DYM: variants seen among roughly 807,000 people sequenced by gnomAD.
DYM encodes the protein dymeclin, also known as dyggve-Melchior-Clausen syndrome protein.
DYM carries 78 observed loss-of-function variants against 93.1 expected under a neutral mutation model. The ratio of observed to expected loss-of-function variants is 0.84; its 90% CI spans 0.70 to 1.01. The LOEUF (loss-of-function observed/expected upper bound fraction) is 1.01, where lower values mean the gene tolerates loss of function less well. DYM is among the 50% of genes least tolerant of loss of function. The pLI is 0.00. For missense variants in DYM, 789 were observed against 845.0 expected, an observed-to-expected ratio of 0.93 and a Z score of 0.82; for synonymous variants, 321 against 319.7, an observed-to-expected ratio of 1.00 and a Z score of -0.04.
In DYM at chr18:49,109,677, G is replaced by A. The variant is rs553062442; in HGVS notation, c.1911+9067C>T. Among the ~76,000 whole-genome samples the A allele has an allele frequency of 3.9e-5, 6 of 152,336 alleles. No individual in the cohort carries two copies. In the South Asian group the frequency reaches 1.2e-3, roughly 32 times the overall value. On this transcript the variant is annotated intron_variant, in intron 16 of 17. Transcript: ENST00000675505. Reference sequence around the variant, plus strand: ...CAAGCCCCAGTTTGCTTAGGGTTATGTGACAAGGGTCAGACAACACCTGCA... The same window carrying A: ...CAAGCCCCAGTTTGCTTAGGGTTATATGACAAGGGTCAGACAACACCTGCA...
At chr18:49,047,946 C>A (rs1275418728) in intron 17 of DYM, among the ~76,000 whole-genome samples, 1 of 152,176 alleles carries the variant, frequency 6.6e-6, no homozygotes, top group African/African-American at 2.4e-5. Flanking sequence ...CCAGTGCCAA[C>A]CCCATGAAGA....
At chr18:49,330,360 C>G (rs1438448374) in intron 8 of DYM, among the ~76,000 whole-genome samples, 1 of 152,074 alleles carries the variant, frequency 6.6e-6, no homozygotes, top group African/African-American at 2.4e-5. Context: ...CTCAACCCAC[C>G]TTCTAATTAG....
At chr18:49,185,899 A>G (rs1235388063) in intron 14 of DYM, among the ~76,000 whole-genome samples, 1 of 152,150 alleles carries the variant, frequency 6.6e-6, no homozygotes, top group Non-Finnish European at 1.5e-5. Context: ...ACATTTGTCT[A>G]TCAACCTCAG....
intron 2 of DYM, 89 bp downstream of exon 2, chr18:49,430,166 G>A (rs1267913871): frequency 3.2e-6 from 4 of 1,236,344 alleles, no homozygotes; most frequent in African/African-American, 3.0e-5. Flanking sequence ...TAGATAGACA[G>A]AACATTTCTA....
At chr18:49,232,973 G>C (rs1284086716) in intron 13 of DYM, among the ~76,000 whole-genome samples, 1 of 152,114 alleles carries the variant, frequency 6.6e-6, no homozygotes, top group Non-Finnish European at 1.5e-5. Context: ...AAGGTATTTA[G>C]ATGTTGTAAG....
At chr18:49,338,282 A>G (rs1481548491) in intron 6 of DYM, among the ~76,000 whole-genome samples, 2 of 152,196 alleles carry the variant, frequency 1.3e-5, no homozygotes, top group African/African-American at 2.4e-5. Flanking sequence ...ATGAAGAAAA[A>G]CATTTAAAAA....
At chr18:49,327,361 G>C (rs1232173569) in intron 8 of DYM, among the ~76,000 whole-genome samples, 1 of 151,788 alleles carries the variant, frequency 6.6e-6, no homozygotes, top group African/African-American at 2.4e-5. Flanking sequence ...GTTTTGTTTT[G>C]TTTTTGTTTT....
intron 13 of DYM, among the ~76,000 whole-genome samples, chr18:49,215,507 A>G (rs542461542): frequency 6.6e-6 from 1 of 152,354 alleles, no homozygotes; most frequent in African/African-American, 2.4e-5. Flanking sequence ...ATCCAGATCC[A>G]GGATAAACCA....
At chr18:49,145,862 T>G (rs2085069768) in intron 15 of DYM, among the ~76,000 whole-genome samples, 1 of 152,206 alleles carries the variant, frequency 6.6e-6, no homozygotes, top group African/African-American at 2.4e-5. Context: ...ATATGTGGTC[T>G]ATTTTACTTG....
chr18:49,151,980 GA>G (rs767272977), intron 15 of DYM, among the ~76,000 whole-genome samples: 18 of 152,158 alleles, frequency 1.2e-4, no homozygotes, highest in Admixed American at 3.3e-4. Flanking sequence ...AGAATGGAAA[GA>G]GGGGGAAAGA....
At chr18:49,265,075 C>G (rs563994144) in intron 11 of DYM, among the ~76,000 whole-genome samples, 1 of 152,244 alleles carries the variant, frequency 6.6e-6, no homozygotes, top group East Asian at 1.9e-4. Context: ...TGGGAGTGGA[C>G]AAAGTATATA....
At chr18:49,442,897 A>C (rs1244236735) in intron 1 of DYM, among the ~76,000 whole-genome samples, 1 of 149,100 alleles carries the variant, frequency 6.7e-6, no homozygotes, top group East Asian at 2.0e-4. Flanking sequence ...TTGCTCTGTC[A>C]CCCAGGGTGG....
At chr18:49,085,778 T>C (rs2078465895) in intron 17 of DYM, among the ~76,000 whole-genome samples, 1 of 151,990 alleles carries the variant, frequency 6.6e-6, no homozygotes, top group Admixed American at 6.6e-5. Context: ...TGGCTAATTT[T>C]TGTATTTTTA....
intron 10 of DYM, among the ~76,000 whole-genome samples, chr18:49,275,795 G>C (rs1192312157): frequency 6.6e-6 from 1 of 152,094 alleles, no homozygotes; most frequent in Non-Finnish European, 1.5e-5. Context: ...CACAGTGTAA[G>C]TTTTGTACTT....
intron 16 of DYM, among the ~76,000 whole-genome samples, chr18:49,112,777 C>T (rs1057032137): frequency 6.6e-6 from 1 of 152,294 alleles, no homozygotes; most frequent in Admixed American, 6.5e-5. Flanking sequence ...ATCTGCCCCT[C>T]ATTATCACAG....
chr18:49,376,046 T>G (rs1271584075), intron 5 of DYM, among the ~76,000 whole-genome samples: 1 of 152,154 alleles, frequency 6.6e-6, no homozygotes, highest in Non-Finnish European at 1.5e-5. Context: ...TTTGAGGTTT[T>G]GGGACTCAAA....
At chr18:49,074,774 A>G (rs2077169038) in intron 17 of DYM, among the ~76,000 whole-genome samples, 1 of 152,214 alleles carries the variant, frequency 6.6e-6, no homozygotes. Context: ...CGTTACTTGT[A>G]AATATTCCGC....
chr18:49,289,746 T>C (rs934157512), intron 8 of DYM, among the ~76,000 whole-genome samples: 4 of 42,854 alleles, frequency 9.3e-5, no homozygotes, highest in African/African-American at 4.6e-4. Context: ...TATATATATA[T>C]ATATATATAT....
chr18:49,437,876 T>C (rs2080998621), intron 1 of DYM, among the ~76,000 whole-genome samples: 1 of 152,242 alleles, frequency 6.6e-6, no homozygotes, highest in Non-Finnish European at 1.5e-5. Flanking sequence ...AAATAAACTT[T>C]ATTTTCAAAG....
Sources: allele counts gnomAD v4.1 joint callset (sites outside exome capture counted in the v4.1 genomes callset), GRCh38; gene constraint gnomAD v4.1.1; transcripts MANE v1.5; gene names NCBI Gene and HGNC (gene_info 2026-07-23, HGNC 2026-07-21).